Variants in CADPS2 observed in about 807,000 individuals in gnomAD.
CADPS2 encodes the protein calcium dependent secretion activator 2, also known as calcium-dependent secretion activator 2.
CADPS2 carries 93 observed loss-of-function variants against 172.5 expected under a neutral mutation model. The observed-to-expected ratio is 0.54, with a 90% CI of 0.46 to 0.64. The LOEUF is 0.64. Ranked by LOEUF, CADPS2 falls within the 30% of genes least tolerant of loss-of-function variation. CADPS2 has a pLI of 0.00. For missense variants in CADPS2, 1,420 were observed against 1,565.9 expected (o/e 0.91, Z 1.57); for synonymous variants, 546 against 555.2 (o/e 0.98, Z 0.23).
At position 122,877,595 on chromosome 7, in the gene CADPS2, T is replaced by A. The variant is rs114272279; in HGVS notation, c.339+8404A>T. On this transcript the variant is annotated intron_variant, in intron 1 of 29. Transcript: ENST00000449022. ...CTTCCCATTTATCCATAATGAGATT[T>A]AAAAAGATGTCACAATAAAAATATA... Among the ~76,000 whole-genome samples, 1,021 of 152,252 alleles carry A rather than the reference T, an allele frequency of 6.7e-3. 7 individuals carry two copies. Among genetic ancestry groups the A allele is most frequent in the Middle Eastern group, 0.034 (10 of 292 alleles).
chr7:122,372,324 T>C (rs548270144), intron 25 of CADPS2, among the ~76,000 whole-genome samples: 20 of 152,272 alleles, frequency 1.3e-4, no homozygotes, highest in African/African-American at 4.6e-4. Context: ...AAAAGTTCAA[T>C]AGAGGACCAA....
At chr7:122,819,749 G>A (rs982223031) in intron 1 of CADPS2, among the ~76,000 whole-genome samples, 6 of 151,790 alleles carry the variant, frequency 4.0e-5, no homozygotes, top group African/African-American at 1.2e-4. Flanking sequence ...ATATCTCATC[G>A]CCACCCTTCT....
chr7:122,327,494 T>C (rs7794283), intron 28 of CADPS2, among the ~76,000 whole-genome samples: 28,836 of 152,114 alleles, frequency 0.19, 3,087 homozygotes, highest in Non-Finnish European at 0.25. Context: ...TAACATAACA[T>C]ACTGGTTACT....
intron 1 of CADPS2, among the ~76,000 whole-genome samples, chr7:122,790,641 T>C (rs952220620): frequency 1.3e-5 from 2 of 152,178 alleles, no homozygotes; most frequent in African/African-American, 2.4e-5. Context: ...ACTTAATCCA[T>C]ATGAAATGTT....
chr7:122,414,034 A>C (rs778804109), intron 19 of CADPS2, 34 bp downstream of exon 19: 2 of 1,541,086 alleles, frequency 1.3e-6, no homozygotes, highest in Non-Finnish European at 1.7e-6. Flanking sequence ...GAGGTATCCT[A>C]TGCTAATAAA....
Position 122,621,558 on chromosome 7 carries a change from A to C in CADPS2, c.1027T>G (p.Ser343Ala), listed in dbSNP as rs375972871. 1 of 1,613,910 alleles carries C rather than the reference A, an allele frequency of 6.2e-7. No individual in the cohort carries two copies. The highest frequency in any genetic ancestry group is 1.7e-5 in the Admixed American group (1 of 60,022). ...KLQKLKRSQN[S>A]AFLDIGDENE... ...TCATCTCCTATGTCCAAAAATGCAG[A>C]GTTCTGTGAACGTTTTAATTTTTGT... Residue 343 changes from serine (S) to alanine (A), a missense_variant, in exon 5 of 30, where the codon TCT becomes GCT. Ser to Ala is a moderately conservative substitution (Grantham distance 99). Coordinates refer to ENST00000449022, the MANE Select transcript of CADPS2 (RefSeq NM_017954.11).
At chr7:122,485,766 C>T (rs1280863776) in intron 11 of CADPS2, among the ~76,000 whole-genome samples, 2 of 152,192 alleles carry the variant, frequency 1.3e-5, no homozygotes, top group African/African-American at 4.8e-5. Flanking sequence ...CCAGGACTTT[C>T]GCAGTTAGAG....
At position 122,502,606 on chromosome 7, in the gene CADPS2, A is replaced by G. The variant is rs1416828873; in HGVS notation, c.1542+10643T>C. Reference sequence around the variant, plus strand: ...TCCATTCATTATTTTGACAAAATCTAGAGGTTAGGATTCACATTTTGTAAT... The same window carrying G: ...TCCATTCATTATTTTGACAAAATCTGGAGGTTAGGATTCACATTTTGTAAT... On this transcript the variant is annotated intron_variant, in intron 9 of 29. Transcript: ENST00000449022. 3.9e-5 allele frequency among the ~76,000 whole-genome samples: 6 copies of G among 152,086 alleles called. No homozygotes were observed. The East Asian group carries it at 1.2e-3, about 29-fold the overall frequency.
intron 2 of CADPS2, 56 bp downstream of exon 2, chr7:122,736,899 A>C: frequency 1.1e-6 from 1 of 918,548 alleles, no homozygotes; most frequent in Non-Finnish European, 1.7e-6. Flanking sequence ...CATAAAAATA[A>C]TAAAACTCCT....
rs2032141616 is a variant in CADPS2, at chr7:122,320,350, A to T, written c.3718-12T>A. The T allele has an allele frequency of 6.3e-7, 1 of 1,584,942 alleles. No individual in the cohort carries two copies. Among genetic ancestry groups the T allele is most frequent in the African/African-American group, 1.4e-5 (1 of 73,554 alleles). The stretch of plus-strand genomic sequence containing the variant: ...TCCCTGTAGGTTTTCTGAAGAAAGA[A>T]GATAAAATTTGCTTAGCTCACTTAG... On this transcript the variant is annotated splice_polypyrimidine_tract_variant and intron_variant, in intron 29 of 29. Coordinates refer to ENST00000449022, the MANE Select transcript of CADPS2 (RefSeq NM_017954.11).
At chr7:122,596,442 G>C (rs1357400732) in intron 6 of CADPS2, among the ~76,000 whole-genome samples, 1 of 152,042 alleles carries the variant, frequency 6.6e-6, no homozygotes, top group Non-Finnish European at 1.5e-5. Flanking sequence ...CACCTATTAT[G>C]TGCCATTTAT....
At chr7:122,878,474 A>G (rs138056971) in intron 1 of CADPS2, among the ~76,000 whole-genome samples, 2,555 of 151,818 alleles carry the variant, frequency 0.017, 78 homozygotes, top group African/African-American at 0.059. Context: ...CCCCGTCTCT[A>G]CTAAAAATAC....
At chr7:122,825,826 T>C (rs562606286) in intron 1 of CADPS2, among the ~76,000 whole-genome samples, 1 of 152,330 alleles carries the variant, frequency 6.6e-6, no homozygotes, top group East Asian at 1.9e-4. Context: ...ATATTGACTT[T>C]GATACAATCC....
chr7:122,552,255 A>AT (rs1321821132), intron 8 of CADPS2, among the ~76,000 whole-genome samples: 1 of 152,154 alleles, frequency 6.6e-6, no homozygotes, highest in African/African-American at 2.4e-5. Flanking sequence ...ATCACAGATA[A>AT]TTTTCAGTTC....
At chr7:122,588,791 C>A (rs1222850857) in intron 6 of CADPS2, among the ~76,000 whole-genome samples, 2 of 151,818 alleles carry the variant, frequency 1.3e-5, no homozygotes, top group East Asian at 3.9e-4. Context: ...TGAGTAAGGA[C>A]TGTGTTATTT....
At chr7:122,763,045 T>G (rs986117078) in intron 1 of CADPS2, among the ~76,000 whole-genome samples, 1 of 152,052 alleles carries the variant, frequency 6.6e-6, no homozygotes, top group African/African-American at 2.4e-5. Flanking sequence ...CACAGATATG[T>G]TTCTTGGATA....
intron 1 of CADPS2, among the ~76,000 whole-genome samples, chr7:122,780,312 A>C (rs1236130640): frequency 6.6e-6 from 1 of 152,106 alleles, no homozygotes; most frequent in Admixed American, 6.5e-5. Context: ...CCTCTCTGCA[A>C]CTGCTAACAA....
intron 2 of CADPS2, chr7:122,702,669 T>C (rs377719800): frequency 3.4e-5 from 55 of 1,613,174 alleles, no homozygotes; most frequent in South Asian, 5.5e-5. Flanking sequence ...TCAGGAAAGC[T>C]AAGTAGTAGA....
At chr7:122,774,269 T>TACACACAC (rs56843003) in intron 1 of CADPS2, among the ~76,000 whole-genome samples, 86 of 143,066 alleles carry the variant, frequency 6.0e-4, no homozygotes, top group Admixed American at 1.4e-3. Context: ...TAGATAGATA[T>TACACACAC]ACACACACAC....
Sources: allele counts gnomAD v4.1 joint callset (sites outside exome capture counted in the v4.1 genomes callset), GRCh38; gene constraint gnomAD v4.1.1; transcripts MANE v1.5; gene names NCBI Gene and HGNC (gene_info 2026-07-23, HGNC 2026-07-21).